The following FAM184A variants were observed in gnomAD, a reference collection of about 807,000 sequenced individuals.
FAM184A encodes the protein family with sequence similarity 184 member A, also known as protein FAM184A.
FAM184A carries 99 observed loss-of-function variants against 143.8 expected under a neutral mutation model. The observed-to-expected ratio is 0.69, with a 90% confidence interval of 0.58 to 0.81. The LOEUF (loss-of-function observed/expected upper bound fraction) is 0.81. Among genes scored for constraint, FAM184A ranks in the 40% least tolerant of loss-of-function variants. The pLI is 0.00. For synonymous variants in FAM184A, 427 were observed against 446.4 expected (o/e 0.96, Z 0.55); for missense variants, 1,217 against 1,310.5 (o/e 0.93, Z 1.10).
intron 1 of FAM184A, among the ~76,000 whole-genome samples, chr6:119,094,196 C>T (rs750657548): frequency 5.9e-5 from 9 of 152,072 alleles, no homozygotes; most frequent in Non-Finnish European, 1.0e-4. Flanking sequence ...CACAGCCTCT[C>T]GAGTAGCTGG....
intron 1 of FAM184A, among the ~76,000 whole-genome samples, chr6:119,051,979 C>G (rs1374685854): frequency 1.3e-5 from 2 of 152,202 alleles, no homozygotes; most frequent in African/African-American, 4.8e-5. Context: ...GGTTCCCAGA[C>G]AGCAGTATCT....
Position 118,961,817 on chromosome 6 carries a change from G to C in FAM184A, c.3285C>G (p.Asn1095Lys), listed in dbSNP as rs1040807765. 1 of 1,613,828 alleles carries C rather than the reference G, an allele frequency of 6.2e-7. No individual in the cohort carries two copies. The highest frequency in any genetic ancestry group is 1.3e-5 in the African/African-American group (1 of 74,890). ...PNSPVHDIEF[N>K]SSKPLPQPVP... ...CTGGCTGTGGAAGTGGTTTGCTGCT[G>C]TTGAACTCAATATCGTGGACTGGAG... The change falls in exon 17 of 18, where the codon AAC becomes AAG. Residue 1095 changes from asparagine to lysine, a missense_variant. Transcript: ENST00000338891.
At chr6:119,000,990 G>A (rs1784738343) in intron 9 of FAM184A, among the ~76,000 whole-genome samples, 1 of 151,156 alleles carries the variant, frequency 6.6e-6, no homozygotes, top group Non-Finnish European at 1.5e-5. Context: ...AGGTGGTAGA[G>A]GGGCTTTAGA....
chr6:119,120,836 CTTTCTTTCTTTCT>C (rs1295651117), intron 1 of FAM184A, among the ~76,000 whole-genome samples: 2 of 134,584 alleles, frequency 1.5e-5, no homozygotes, highest in African/African-American at 5.8e-5. Flanking sequence ...TCCTTTCTTT[CTTTCTTTCTTTCT>C]TTTTTTTTTT....
chr6:119,099,863 T>C (rs1204152101), intron 1 of FAM184A, among the ~76,000 whole-genome samples: 3 of 152,188 alleles, frequency 2.0e-5, no homozygotes, highest in Admixed American at 1.3e-4. Context: ...CAAGCCAGTG[T>C]TTCCTTGAAT....
Position 119,143,968 on chromosome 6 carries a change from CTT to C in FAM184A, c.-202+5108_-202+5109del, listed in dbSNP as rs35050426. 3.8e-3 allele frequency among the ~76,000 whole-genome samples: 571 copies of C among 152,166 alleles called. 6 individuals are homozygous for C. The highest frequency in any genetic ancestry group is 0.013 in the African/African-American group (527 of 41,492). ...GAGAGAGAAAGAGATGTGCATGGGG[CTT>C]TTTCTGATAACAGCATTATTAGCTT... On this transcript the variant is annotated intron_variant, in intron 1 of 16. Coordinates refer to the FAM184A transcript ENST00000352896.
At chr6:119,104,777 A>G (rs1351964723) in intron 1 of FAM184A, among the ~76,000 whole-genome samples, 3 of 152,170 alleles carry the variant, frequency 2.0e-5, no homozygotes, top group African/African-American at 4.8e-5. Context: ...AAACGCGCGA[A>G]AAACTGTAAC....
At chr6:119,089,596 C>CTCA (rs1445426324) in intron 1 of FAM184A, among the ~76,000 whole-genome samples, 2 of 152,168 alleles carry the variant, frequency 1.3e-5, no homozygotes, top group African/African-American at 4.8e-5. Context: ...AGCCACCATG[C>CTCA]CCAGCCATTA....
At chr6:119,104,195 T>C (rs955977325) in intron 1 of FAM184A, among the ~76,000 whole-genome samples, 62 of 152,240 alleles carry the variant, frequency 4.1e-4, no homozygotes, top group African/African-American at 1.4e-3. Flanking sequence ...AGCTAATTTT[T>C]GTATTTTTGC....
intron 1 of FAM184A, among the ~76,000 whole-genome samples, chr6:119,035,630 A>G (rs1183551568): frequency 6.6e-6 from 1 of 152,156 alleles, no homozygotes; most frequent in South Asian, 2.1e-4. Context: ...TAGGTCTGAT[A>G]AGAGCTCTGA....
intron 1 of FAM184A, among the ~76,000 whole-genome samples, chr6:119,061,540 T>C (rs867166680): frequency 2.3e-5 from 3 of 130,952 alleles, no homozygotes; most frequent in Non-Finnish European, 3.3e-5. Context: ...TCTTTTTTTT[T>C]TTTTTTTTTT....
chr6:119,125,651 T>C (rs904668915), intron 1 of FAM184A, among the ~76,000 whole-genome samples: 4 of 152,258 alleles, frequency 2.6e-5, no homozygotes, highest in Admixed American at 1.3e-4. Flanking sequence ...ATGAGTTTTC[T>C]GGCATATACA....
chr6:118,983,021 A>T (rs79690089), intron 9 of FAM184A, among the ~76,000 whole-genome samples: 4 of 152,376 alleles, frequency 2.6e-5, no homozygotes, highest in Middle Eastern at 6.8e-3. Context: ...GAAAGATATG[A>T]TCATGCAATT....
intron 1 of FAM184A, among the ~76,000 whole-genome samples, chr6:119,116,022 G>A (rs1789052731): frequency 8.0e-6 from 1 of 125,124 alleles, no homozygotes; most frequent in African/African-American, 3.0e-5. Context: ...CACACACAAC[G>A]AGAGAGAGAG....
At chr6:119,119,509 G>A (rs1789153636) in intron 1 of FAM184A, among the ~76,000 whole-genome samples, 1 of 152,144 alleles carries the variant, frequency 6.6e-6, no homozygotes, top group South Asian at 2.1e-4. Flanking sequence ...GAACCCATGT[G>A]AAATCGGGGG....
chr6:119,076,767 C>T (rs1787887110), intron 1 of FAM184A, among the ~76,000 whole-genome samples: 1 of 152,190 alleles, frequency 6.6e-6, no homozygotes, highest in African/African-American at 2.4e-5. Flanking sequence ...AACACTACTG[C>T]AGGAAGCCTG....
At chr6:119,036,864 G>C (rs1489596493) in intron 1 of FAM184A, among the ~76,000 whole-genome samples, 2 of 152,144 alleles carry the variant, frequency 1.3e-5, no homozygotes, top group African/African-American at 4.8e-5. Flanking sequence ...ACAGAATACT[G>C]TGACATGGCA....
At chr6:119,088,774 C>G (rs777469259) in intron 1 of FAM184A, among the ~76,000 whole-genome samples, 1 of 152,180 alleles carries the variant, frequency 6.6e-6, no homozygotes, top group Non-Finnish European at 1.5e-5. Flanking sequence ...GTACAAGCAA[C>G]TGAACTCCAA....
At chr6:119,149,065 GGAAA>G in intron 1 of FAM184A, 1 of 152,250 alleles carries the variant, frequency 6.6e-6, no homozygotes, top group East Asian at 1.9e-4. Flanking sequence ...TAAGAAAGAT[GGAAA>G]TGTCTTACCT....
Sources: allele counts gnomAD v4.1 joint callset (sites outside exome capture counted in the v4.1 genomes callset), GRCh38; gene constraint gnomAD v4.1.1; transcripts MANE v1.5; gene names NCBI Gene and HGNC (gene_info 2026-07-23, HGNC 2026-07-21).